HEPACAM2: variants seen among roughly 807,000 people sequenced by gnomAD.
HEPACAM2 encodes the protein mitotic kinetics regulator.
Under a neutral mutation model 49.6 loss-of-function variants are expected in HEPACAM2, and 49 were observed. That is an observed-to-expected ratio of 0.99 (90% CI 0.78 to 1.25). The LOEUF (loss-of-function observed/expected upper bound fraction) is 1.25, where lower values mean the gene tolerates loss of function less well. HEPACAM2 is among the 50% of genes most tolerant of loss of function. The probability of loss-of-function intolerance (pLI) is 0.00; values close to 1 mark genes in which losing one functional copy is unlikely to be tolerated. For missense variants in HEPACAM2, 525 were observed against 557.2 expected, an observed-to-expected ratio of 0.94 and a Z score of 0.58; for synonymous variants, 197 against 202.9, an observed-to-expected ratio of 0.97 and a Z score of 0.25.
At chr7:93,229,084 T>C (rs1198781690), upstream of HEPACAM2, among the ~76,000 whole-genome samples, 1 of 152,182 alleles carries the variant, frequency 6.6e-6, no homozygotes, top group Non-Finnish European at 1.5e-5. Flanking sequence ...CAGAAACAAT[T>C]AAGGAGAGGT....
At chr7:93,200,905 T>C (rs983903005) in intron 4 of HEPACAM2, among the ~76,000 whole-genome samples, 2 of 152,126 alleles carry the variant, frequency 1.3e-5, no homozygotes, top group Non-Finnish European at 2.9e-5. Flanking sequence ...GAACTAGCCC[T>C]GGACAGGGTA....
chr7:93,211,662 A>G (rs962649912), intron 3 of HEPACAM2, among the ~76,000 whole-genome samples: 1 of 151,982 alleles, frequency 6.6e-6, no homozygotes, highest in Non-Finnish European at 1.5e-5. Context: ...GGGACCCTTC[A>G]TGTTGTCAGC....
At chr7:93,222,082 A>G (rs930898231) in intron 1 of HEPACAM2, among the ~76,000 whole-genome samples, 7 of 152,168 alleles carry the variant, frequency 4.6e-5, no homozygotes, top group Non-Finnish European at 1.0e-4. Flanking sequence ...AGAGAAATCT[A>G]TGTCTCAAAA....
chr7:93,214,618 GA>G (rs1251724700), intron 3 of HEPACAM2, among the ~76,000 whole-genome samples: 2 of 152,126 alleles, frequency 1.3e-5, no homozygotes, highest in Admixed American at 6.6e-5. Context: ...CATCGTGAAG[GA>G]AAGAAGGCTT....
intron 1 of HEPACAM2, among the ~76,000 whole-genome samples, chr7:93,224,875 C>T (rs1794511602): frequency 6.6e-6 from 1 of 152,018 alleles, no homozygotes; most frequent in Non-Finnish European, 1.5e-5. Context: ...ACATTTTAGG[C>T]TTCAAATTTT....
At chr7:93,210,486 T>C (rs1794151104) in intron 3 of HEPACAM2, among the ~76,000 whole-genome samples, 1 of 151,954 alleles carries the variant, frequency 6.6e-6, no homozygotes, top group Non-Finnish European at 1.5e-5. Flanking sequence ...ATCATAATAG[T>C]TTGTTGTTGT....
chr7:93,204,341 TC>T (rs1793973028), intron 4 of HEPACAM2, among the ~76,000 whole-genome samples: 2 of 149,096 alleles, frequency 1.3e-5, no homozygotes, highest in Admixed American at 1.3e-4. Flanking sequence ...TATCTATCTA[TC>T]TATCTATCTA....
chr7:93,191,636 G>T (rs770669973), intron 9 of HEPACAM2, among the ~76,000 whole-genome samples: 11 of 152,010 alleles, frequency 7.2e-5, no homozygotes, highest in Non-Finnish European at 1.3e-4. Flanking sequence ...ATTTCTCCAC[G>T]GCATGGAGGA....
intron 4 of HEPACAM2, among the ~76,000 whole-genome samples, chr7:93,197,950 T>A (rs1793778826): frequency 6.6e-6 from 1 of 152,244 alleles, no homozygotes; most frequent in East Asian, 1.9e-4. Flanking sequence ...TCCTAAATGC[T>A]AAGTTGTTCT....
intron 4 of HEPACAM2, among the ~76,000 whole-genome samples, chr7:93,198,107 C>T (rs1793783169): frequency 6.6e-6 from 1 of 151,502 alleles, no homozygotes. Context: ...ATGTCTCTTA[C>T]CATAAATGAT....
intron 1 of HEPACAM2, among the ~76,000 whole-genome samples, 186 bp downstream of exon 1, chr7:93,226,182 T>G (rs1371016283): frequency 6.6e-6 from 1 of 152,158 alleles, no homozygotes; most frequent in African/African-American, 2.4e-5. Context: ...ATCTATTTAT[T>G]GAAACTCATT....
intron 4 of HEPACAM2, among the ~76,000 whole-genome samples, chr7:93,200,591 G>A (rs1738252531): frequency 6.6e-6 from 1 of 152,098 alleles, no homozygotes; most frequent in African/African-American, 2.4e-5. Flanking sequence ...TGGTGAATCT[G>A]TGAATGATGG....
chr7:93,197,306 C>T (rs763249668), intron 6 of HEPACAM2, 28 bp from the exon 7 acceptor site: 9 of 1,608,760 alleles, frequency 5.6e-6, no homozygotes, highest in South Asian at 3.3e-5. Flanking sequence ...GTATTTTTGT[C>T]AGGGATAATA....
At chr7:93,220,795 T>C (rs1401269033) in intron 1 of HEPACAM2, among the ~76,000 whole-genome samples, 1 of 152,190 alleles carries the variant, frequency 6.6e-6, no homozygotes, top group Non-Finnish European at 1.5e-5. Flanking sequence ...AGCCATGATA[T>C]ATTATTTTAT....
intron 8 of HEPACAM2, 86 bp downstream of exon 8, chr7:93,195,742 C>G: frequency 1.0e-6 from 1 of 978,974 alleles, no homozygotes; most frequent in Non-Finnish European, 1.6e-6. Context: ...TTTGACCACA[C>G]TGCCCAGTGC....
intron 4 of HEPACAM2, among the ~76,000 whole-genome samples, chr7:93,208,337 G>A (rs1562827857): frequency 6.6e-6 from 1 of 151,902 alleles, no homozygotes; most frequent in Non-Finnish European, 1.5e-5. Context: ...AGTAATTTGT[G>A]GAATTCCCTT....
rs1794102627 is a variant in HEPACAM2, at chr7:93,208,842, T to G, written c.750A>C (p.Lys250Asn). Residue 250 changes from lysine to asparagine, a missense_variant, in exon 4 of 10, where the codon AAA becomes AAC. By Grantham distance (94) the Lys-to-Asn change is moderately conservative (BLOSUM62 0). Transcript: ENST00000394468. Reference sequence around the variant, plus strand: ...TAAACACTTCCCCTACTTTTAGCCCTTTATCAGAATTCACTTGAAGTCCAT... The same window carrying G: ...TAAACACTTCCCCTACTTTTAGCCCGTTATCAGAATTCACTTGAAGTCCAT... The part of the protein sequence containing the change: ...GPYGLQVNSD[K>N]GLKVGEVFTV... 6.2e-7 allele frequency: 1 copy of G among 1,609,524 alleles called. No homozygotes were observed.
chr7:93,224,521 A>G (rs1203656534), intron 1 of HEPACAM2, among the ~76,000 whole-genome samples: 1 of 152,178 alleles, frequency 6.6e-6, no homozygotes, highest in Non-Finnish European at 1.5e-5. Context: ...AATCTGACAT[A>G]CAAAATTGCA....
At position 93,200,738 on chromosome 7, in the gene HEPACAM2, A is replaced by G. The variant is rs114666533; in HGVS notation, c.1013-3128T>C. Among the ~76,000 whole-genome samples the G allele has an allele frequency of 9.5e-3, 1,450 of 152,250 alleles. 30 individuals carry two copies. Among genetic ancestry groups the G allele is most frequent in the African/African-American group, 0.033 (1,364 of 41,570 alleles). The stretch of plus-strand genomic sequence containing the variant: ...GTCTTGCGGAGCACTTTCATATCAC[A>G]TCATTTATTGTCATGCATTTATATG... On this transcript the variant is annotated intron_variant, in intron 4 of 9. Coordinates refer to ENST00000394468, the MANE Select transcript of HEPACAM2 (RefSeq NM_001039372.4).
Sources: allele counts gnomAD v4.1 joint callset (sites outside exome capture counted in the v4.1 genomes callset), GRCh38; gene constraint gnomAD v4.1.1; transcripts MANE v1.5; gene names NCBI Gene and HGNC (gene_info 2026-07-23, HGNC 2026-07-21).